Variants in MAN1A1 observed in about 807,000 individuals in gnomAD.
MAN1A1 encodes mannosidase alpha class 1A member 1.
Under a neutral mutation model 70.8 loss-of-function variants are expected in MAN1A1, and 29 were observed. That is an observed-to-expected ratio of 0.41 (90% CI 0.31 to 0.56). The LOEUF is 0.56. MAN1A1 is among the 20% of genes least tolerant of loss of function. The pLI is 0.29. For synonymous variants in MAN1A1, 349 were observed against 330.1 expected (o/e 1.06, Z -0.62); for missense variants, 747 against 841.3 (o/e 0.89, Z 1.39).
chr6:119,278,951 C>A (rs892863689), intron 5 of MAN1A1, among the ~76,000 whole-genome samples: 9 of 152,066 alleles, frequency 5.9e-5, no homozygotes, highest in African/African-American at 1.7e-4. Flanking sequence ...ACTGCAGAAC[C>A]GTGAGCCAAA....
intron 6 of MAN1A1, among the ~76,000 whole-genome samples, chr6:119,223,459 C>T (rs2114261876): frequency 6.6e-6 from 1 of 152,208 alleles, no homozygotes; most frequent in East Asian, 1.9e-4. Context: ...ACTGGCACAA[C>T]TATTCTGCAG....
intron 8 of MAN1A1, among the ~76,000 whole-genome samples, chr6:119,198,387 T>A (rs1773630970): frequency 6.6e-6 from 1 of 152,182 alleles, no homozygotes; most frequent in African/African-American, 2.4e-5. Context: ...GAGACTCCCA[T>A]CTCAAACAAC....
chr6:119,247,688 A>G (rs533590760), intron 6 of MAN1A1, among the ~76,000 whole-genome samples: 2 of 152,276 alleles, frequency 1.3e-5, no homozygotes, highest in African/African-American at 4.8e-5. Context: ...AGAACTTGGC[A>G]TATCAGGGTT....
rs148822036 is a variant in MAN1A1 at position 119,283,940 on chromosome 6, C to T, written c.897+6743G>A. Among the ~76,000 whole-genome samples the T allele has an allele frequency of 7.4e-3, 1,122 of 152,182 alleles. 11 individuals are homozygous for T. Among genetic ancestry groups the T allele is most frequent in the African/African-American group, 0.026 (1,064 of 41,516 alleles). Reference sequence around the variant, plus strand: ...CTGAAGAGGGGAGACGCTGGCAGTACGAAGGTCAGTTGGATGAACATTACT... The same window carrying T: ...CTGAAGAGGGGAGACGCTGGCAGTATGAAGGTCAGTTGGATGAACATTACT... On this transcript the variant is annotated intron_variant, in intron 5 of 12. Coordinates refer to ENST00000368468, the MANE Select transcript of MAN1A1 (RefSeq NM_005907.4).
At chr6:119,219,083 G>C (rs1774285731) in intron 6 of MAN1A1, among the ~76,000 whole-genome samples, 1 of 152,178 alleles carries the variant, frequency 6.6e-6, no homozygotes, top group South Asian at 2.1e-4. Flanking sequence ...CAGTTTCAAA[G>C]AACCTGCTGA....
chr6:119,215,375 T>C (rs1212175880), intron 6 of MAN1A1, among the ~76,000 whole-genome samples: 2 of 152,162 alleles, frequency 1.3e-5, no homozygotes, highest in Admixed American at 1.3e-4. Context: ...CAGAAAAGTT[T>C]ATGTAATAAT....
rs1377906619 is a variant in MAN1A1, at chr6:119,348,585, G to T, written c.481C>A (p.Gln161Lys). 7 of 1,613,814 alleles carry T rather than the reference G, an allele frequency of 4.3e-6. No individual in the cohort carries two copies. Among genetic ancestry groups the T allele is most frequent in the Non-Finnish European group, 5.9e-6 (7 of 1,179,902 alleles). ...CTGAACGGCGCCTTGTCACGCAGCT[G>T]GTCCTGGGCCACCTTCTTCTTCTCC... Reference protein sequence around the residue: ...LLEKKKVAQDQLRDKAPFRGL... With the variant: ...LLEKKKVAQDKLRDKAPFRGL... The change falls in exon 2 of 13, where the codon CAG becomes AAG. Residue 161 changes from glutamine to lysine, a missense_variant. Gln to Lys is a moderately conservative substitution (Grantham distance 53). This residue lies in a region of MAN1A1 where 328 missense variants were observed against 293.1 expected (regional missense o/e 1.12). Coordinates refer to ENST00000368468, the MANE Select transcript of MAN1A1 (RefSeq NM_005907.4).
chr6:119,217,557 C>T (rs112034296), intron 6 of MAN1A1, among the ~76,000 whole-genome samples: 2 of 152,150 alleles, frequency 1.3e-5, no homozygotes, highest in African/African-American at 2.4e-5. Flanking sequence ...TGAGCCACTG[C>T]GCTCGGCAGC....
At chr6:119,345,996 C>A (rs1408763361) in intron 2 of MAN1A1, among the ~76,000 whole-genome samples, 2 of 152,298 alleles carry the variant, frequency 1.3e-5, no homozygotes, top group East Asian at 3.9e-4. Context: ...ATCCCAGCTA[C>A]TTGGGAGGCT....
At chr6:119,265,668 T>C (rs1329559702) in intron 5 of MAN1A1, among the ~76,000 whole-genome samples, 1 of 151,422 alleles carries the variant, frequency 6.6e-6, no homozygotes. Flanking sequence ...GCTTTTACAT[T>C]TGAAAAATCA....
chr6:119,335,739 TC>T (rs1297198056), intron 2 of MAN1A1, among the ~76,000 whole-genome samples: 2 of 152,202 alleles, frequency 1.3e-5, no homozygotes, highest in Admixed American at 1.3e-4. Flanking sequence ...GAGAAGACTC[TC>T]CTTTTGAGAA....
At chr6:119,191,084 G>A (rs533804796) in intron 9 of MAN1A1, among the ~76,000 whole-genome samples, 2 of 152,234 alleles carry the variant, frequency 1.3e-5, no homozygotes, top group South Asian at 2.1e-4. Flanking sequence ...AGAAATAAAC[G>A]AATGAAACCA....
rs576771376 is a variant in MAN1A1 at position 119,300,140 on chromosome 6, T to C, written c.816+1848A>G. The stretch of plus-strand genomic sequence containing the variant: ...TAGTTATTATTCCCCTACCCTTTCT[T>C]GAAAAGACAGATATCAGTCGGTTTC... On this transcript the variant is annotated intron_variant, in intron 4 of 12. Transcript: ENST00000368468. 3.9e-5 allele frequency among the ~76,000 whole-genome samples: 6 copies of C among 152,320 alleles called. No individual in the cohort carries two copies. The South Asian group carries it at 1.2e-3, about 32-fold the overall frequency.
At chr6:119,241,553 T>C (rs1046053665) in intron 6 of MAN1A1, among the ~76,000 whole-genome samples, 5 of 152,222 alleles carry the variant, frequency 3.3e-5, no homozygotes, top group African/African-American at 1.2e-4. Context: ...CCAGCAATGT[T>C]ATGTTTTAAT....
chr6:119,180,335 A>G lies in MAN1A1; in HGVS notation c.1812T>C (p.Ser604=). 1 of 1,613,494 alleles carries G rather than the reference A, an allele frequency of 6.2e-7. No homozygotes were observed. Among genetic ancestry groups the G allele is most frequent in the African/African-American group, 1.3e-5 (1 of 74,948 alleles). ...ACTTCAATGTCTCTGCCAGGAAGAAACTCTGCTGCACATCATCATAACTCT... is the reference window on the plus strand; with the variant it reads ...ACTTCAATGTCTCTGCCAGGAAGAAGCTCTGCTGCACATCATCATAACTCT... ...LHESYDDVQQ[S]FFLAETLKYL... Residue 604 remains serine (S), a synonymous_variant, in exon 12 of 13, where the codon AGT becomes AGC. Coordinates refer to ENST00000368468, the MANE Select transcript of MAN1A1 (RefSeq NM_005907.4).
At chr6:119,268,603 T>C (rs75806213) in intron 5 of MAN1A1, among the ~76,000 whole-genome samples, 1 of 152,092 alleles carries the variant, frequency 6.6e-6, no homozygotes, top group African/African-American at 2.4e-5. Context: ...ACTTTTTTTT[T>C]TGAGACAGGG....
intron 2 of MAN1A1, among the ~76,000 whole-genome samples, chr6:119,342,056 T>C (rs565030235): frequency 2.6e-5 from 4 of 152,348 alleles, no homozygotes; most frequent in South Asian, 4.1e-4. Flanking sequence ...TATTTGACTA[T>C]GAGAAAGAGA....
At chr6:119,243,234 T>A (rs887162570) in intron 6 of MAN1A1, among the ~76,000 whole-genome samples, 10 of 152,058 alleles carry the variant, frequency 6.6e-5, no homozygotes, top group African/African-American at 2.4e-4. Flanking sequence ...TTAAATCAAT[T>A]TGATCTTATG....
At chr6:119,265,181 G>A (rs1437574673) in intron 5 of MAN1A1, among the ~76,000 whole-genome samples, 1 of 151,250 alleles carries the variant, frequency 6.6e-6, no homozygotes, top group Non-Finnish European at 1.5e-5. Context: ...GCTCACTGTA[G>A]CCTTGAAAGC....
Sources: allele counts gnomAD v4.1 joint callset (sites outside exome capture counted in the v4.1 genomes callset), GRCh38; gene constraint gnomAD v4.1.1; regional missense constraint gnomAD v4.1.1; transcripts MANE v1.5; gene names NCBI Gene and HGNC (gene_info 2026-07-23, HGNC 2026-07-21).